Variants in PPARGC1A observed in about 807,000 individuals in gnomAD.
PPARGC1A encodes peroxisome proliferator-activated receptor gamma coactivator 1-alpha.
A neutral mutation model predicts 88.7 loss-of-function variants in PPARGC1A; 25 were observed. The ratio of observed to expected loss-of-function variants is 0.28; its 90% CI spans 0.21 to 0.39. The LOEUF (loss-of-function observed/expected upper bound fraction) is 0.39, where lower values mean the gene tolerates loss of function less well. PPARGC1A is among the 10% of genes least tolerant of loss of function. The probability of loss-of-function intolerance (pLI) is 1.00; values close to 1 mark genes in which losing one functional copy is unlikely to be tolerated. For missense variants in PPARGC1A, 880 were observed against 968.7 expected, an observed-to-expected ratio of 0.91 and a Z score of 1.22; for synonymous variants, 363 against 355.6, an observed-to-expected ratio of 1.02 and a Z score of -0.24.
the PPARGC1A span, among the ~76,000 whole-genome samples, chr4:23,934,502 C>T: frequency 0.012 from 1,899 of 152,246 alleles, 14 homozygotes; most frequent in Non-Finnish European, 0.018. Flanking sequence ...CCTAAGTCAA[C>T]CCCTAGTTAC....
the PPARGC1A span, among the ~76,000 whole-genome samples, chr4:24,012,832 G>A: frequency 6.6e-6 from 1 of 152,212 alleles, no homozygotes. Flanking sequence ...GGATTTATTT[G>A]CAGCATTCCT....
the PPARGC1A span, among the ~76,000 whole-genome samples, chr4:24,031,886 T>A: frequency 6.6e-6 from 1 of 152,212 alleles, no homozygotes; most frequent in Non-Finnish European, 1.5e-5. Flanking sequence ...TTGGACATCA[T>A]CCAGTCTAAC....
In PPARGC1A at chr4:23,795,946, G is replaced by A. The variant is rs191978999; in HGVS notation, c.2294-21C>T. The A allele has an allele frequency of 6.9e-5, 107 of 1,557,148 alleles. No individual in the cohort carries two copies. The East Asian group carries it at 2.3e-3, about 33-fold the overall frequency. ...TGAATCTGAAAAAAAACACAAGCCA[G>A]TTTAGATACACACTTTGCTGATGGC... is the stretch of plus-strand genomic sequence containing the variant. On this transcript the variant is annotated intron_variant, in intron 12 of 12. Coordinates refer to ENST00000264867, the MANE Select transcript of PPARGC1A (RefSeq NM_013261.5).
chr4:23,859,491 A>G (rs1730815538), intron 2 of PPARGC1A, among the ~76,000 whole-genome samples: 1 of 152,182 alleles, frequency 6.6e-6, no homozygotes, highest in South Asian at 2.1e-4. Flanking sequence ...AATTCAAAAT[A>G]TTTAAAATGT....
At chr4:23,942,104 C>A in the PPARGC1A span, among the ~76,000 whole-genome samples, 1 of 152,008 alleles carries the variant, frequency 6.6e-6, no homozygotes, top group Non-Finnish European at 1.5e-5. Context: ...AGAAGAATCA[C>A]ACTCTCATGG....
chr4:23,981,634 C>T, the PPARGC1A span, among the ~76,000 whole-genome samples: 2 of 152,130 alleles, frequency 1.3e-5, no homozygotes, highest in Admixed American at 6.6e-5. Context: ...AACCCTTCAA[C>T]GAGGAGTCCA....
chr4:23,877,147 C>T (rs1055758777), intron 2 of PPARGC1A, among the ~76,000 whole-genome samples: 2 of 151,906 alleles, frequency 1.3e-5, no homozygotes, highest in African/African-American at 2.4e-5. Flanking sequence ...CCCCTTTTCC[C>T]TGCTCTCATT....
Position 23,795,638 on chromosome 4 carries a change from T to C in PPARGC1A, c.*184A>G. On this transcript the variant is annotated 3_prime_UTR_variant, in exon 13 of 13. Transcript: ENST00000264867. ...CTTGCCTCTTCAGCAGCTGTGTTCATGTAAACCATTGTTGTTATTGTTGTT... is the reference window on the plus strand; with the variant it reads ...CTTGCCTCTTCAGCAGCTGTGTTCACGTAAACCATTGTTGTTATTGTTGTT... 1 of 547,654 alleles carries C rather than the reference T, an allele frequency of 1.8e-6. No homozygotes were observed. Among genetic ancestry groups the C allele is most frequent in the East Asian group, 3.2e-5 (1 of 31,612 alleles). The allele number at this position is 547,654 out of a possible 1,614,324, so 33.9% of individuals were successfully genotyped here. A position where few individuals can be genotyped will look rare whatever the true frequency, so the allele number is the denominator to read the frequency against.
chr4:24,142,859 G>A, the PPARGC1A span, among the ~76,000 whole-genome samples: 1 of 152,112 alleles, frequency 6.6e-6, no homozygotes, highest in African/African-American at 2.4e-5. Context: ...AATTATAGGT[G>A]TAGGGAAAGC....
At chr4:23,929,000 C>G in the PPARGC1A span, among the ~76,000 whole-genome samples, 1 of 151,924 alleles carries the variant, frequency 6.6e-6, no homozygotes, top group Admixed American at 6.6e-5. Context: ...GGAGGGAGAG[C>G]ATTAGGAAAA....
the PPARGC1A span, among the ~76,000 whole-genome samples, chr4:24,140,090 G>A: frequency 6.6e-6 from 1 of 152,128 alleles, no homozygotes; most frequent in Non-Finnish European, 1.5e-5. Flanking sequence ...GGGTTGCTCG[G>A]TCGAGAGCCA....
intron 2 of PPARGC1A, among the ~76,000 whole-genome samples, chr4:23,859,521 C>T (rs1315495334): frequency 6.6e-6 from 1 of 152,130 alleles, no homozygotes; most frequent in Non-Finnish European, 1.5e-5. Flanking sequence ...GTGGCTCACG[C>T]CTGTAATCCC....
chr4:24,136,916 C>A, the PPARGC1A span, among the ~76,000 whole-genome samples: 1 of 151,962 alleles, frequency 6.6e-6, no homozygotes, highest in Non-Finnish European at 1.5e-5. Flanking sequence ...GAGTTTGAAA[C>A]CAGCCTGATC....
intron 2 of PPARGC1A, chr4:23,881,920 C>T (rs1448915577): frequency 6.6e-6 from 1 of 152,162 alleles, no homozygotes; most frequent in Non-Finnish European, 1.5e-5. Flanking sequence ...GCAACACAAA[C>T]CTGTGGCCAT....
At chr4:24,248,347 G>A in the PPARGC1A span, among the ~76,000 whole-genome samples, 1 of 152,050 alleles carries the variant, frequency 6.6e-6, no homozygotes, top group East Asian at 2.0e-4. Context: ...GGATGGTCTC[G>A]ATCTCCTGAC....
the PPARGC1A span, among the ~76,000 whole-genome samples, chr4:23,971,821 C>A: frequency 1.2e-3 from 181 of 152,218 alleles, no homozygotes; most frequent in African/African-American, 4.1e-3. Context: ...CGGTATTAAC[C>A]ATCACACCAC....
At chr4:24,268,407 C>T in the PPARGC1A span, among the ~76,000 whole-genome samples, 1 of 152,180 alleles carries the variant, frequency 6.6e-6, no homozygotes, top group African/African-American at 2.4e-5. Flanking sequence ...CTTGCAAATG[C>T]ATGTTGCTGG....
At chr4:24,089,926 A>T in the PPARGC1A span, among the ~76,000 whole-genome samples, 1 of 152,240 alleles carries the variant, frequency 6.6e-6, no homozygotes, top group African/African-American at 2.4e-5. Context: ...GGAAGCAAAC[A>T]GCACAGGCAA....
At chr4:24,050,493 G>C in the PPARGC1A span, among the ~76,000 whole-genome samples, 1 of 151,932 alleles carries the variant, frequency 6.6e-6, no homozygotes. Flanking sequence ...ACTGCGCCTG[G>C]CTTTTATGTG....
Sources: gnomAD v4.1 joint callset for allele counts (sites outside exome capture counted in the v4.1 genomes callset) on GRCh38, gnomAD v4.1.1 for gene constraint, MANE v1.5 for transcripts, NCBI Gene and HGNC (gene_info 2026-07-23, HGNC 2026-07-21) for gene names.